TEX9: variants seen among roughly 807,000 people sequenced by gnomAD.
TEX9 encodes the protein testis expressed 9, also known as testis-expressed protein 9.
TEX9 carries 74 observed loss-of-function variants against 59.6 expected under a neutral mutation model. That is an observed-to-expected ratio of 1.24 (90% CI 1.03 to 1.51). The LOEUF (loss-of-function observed/expected upper bound fraction) is 1.51, where lower values mean the gene tolerates loss of function less well. Ranked by LOEUF, TEX9 falls within the 40% of genes most tolerant of loss-of-function variation. The pLI is 0.00. For synonymous variants in TEX9, 186 were observed against 152.2 expected, an observed-to-expected ratio of 1.22 and a Z score of -1.64; for missense variants, 522 against 447.8, an observed-to-expected ratio of 1.17 and a Z score of -1.49.
At chr15:56,310,361 G>A (rs2045581598) in intron 1 of TEX9, among the ~76,000 whole-genome samples, 1 of 152,224 alleles carries the variant, frequency 6.6e-6, no homozygotes. Context: ...GAACCCGGGA[G>A]GTGGAGATTA....
At chr15:56,245,958 T>G (rs2043843054) in intron 1 of TEX9, among the ~76,000 whole-genome samples, 1 of 152,066 alleles carries the variant, frequency 6.6e-6, no homozygotes, top group African/African-American at 2.4e-5. Flanking sequence ...CAAGAGAGAA[T>G]GATGGCTCCA....
upstream of TEX9, among the ~76,000 whole-genome samples, chr15:56,362,207 A>AT (rs1312324015): frequency 6.6e-6 from 1 of 152,112 alleles, no homozygotes; most frequent in Non-Finnish European, 1.5e-5. Context: ...ACTCTTGCTG[A>AT]TTTTCTGCCT....
chr15:56,383,728 AC>A (rs1215146183), intron 3 of TEX9, among the ~76,000 whole-genome samples: 1 of 152,176 alleles, frequency 6.6e-6, no homozygotes, highest in African/African-American at 2.4e-5. Flanking sequence ...TGATATTCTT[AC>A]ATTTTCCCCT....
At chr15:56,366,275 A>G (rs1356476162) in intron 2 of TEX9, among the ~76,000 whole-genome samples, 1 of 152,180 alleles carries the variant, frequency 6.6e-6, no homozygotes, top group African/African-American at 2.4e-5. Flanking sequence ...AAAATTCTAC[A>G]GTAGTTTCCT....
intron 1 of TEX9, chr15:56,244,398 C>A (rs1458295166): frequency 6.6e-6 from 1 of 152,110 alleles, no homozygotes; most frequent in African/African-American, 2.4e-5. Context: ...GTTGAGTGCT[C>A]CTCGGTCGGG....
chr15:56,305,562 A>C (rs2045462230), intron 1 of TEX9, among the ~76,000 whole-genome samples: 1 of 152,200 alleles, frequency 6.6e-6, no homozygotes, highest in Admixed American at 6.5e-5. Flanking sequence ...GGGAAAACTG[A>C]GTATCTATAT....
chr15:56,418,732 A>G (rs1231508049), intron 10 of TEX9, among the ~76,000 whole-genome samples: 3 of 151,932 alleles, frequency 2.0e-5, no homozygotes, highest in Non-Finnish European at 4.4e-5. Flanking sequence ...TGTTTAGATA[A>G]TCCATGAAGC....
chr15:56,398,254 T>G (rs1362989502), intron 9 of TEX9: 1 of 152,232 alleles, frequency 6.6e-6, no homozygotes, highest in Non-Finnish European at 1.5e-5. Flanking sequence ...CTCTTTAATA[T>G]TTTTTGTATT....
At chr15:56,407,945 ACT>A (rs779512081) in intron 9 of TEX9, among the ~76,000 whole-genome samples, 7 of 152,042 alleles carry the variant, frequency 4.6e-5, no homozygotes, top group Non-Finnish European at 8.8e-5. Flanking sequence ...GATTCTATAT[ACT>A]CTCTTCTACT....
At chr15:56,411,936 C>A (rs1257549787) in intron 9 of TEX9, among the ~76,000 whole-genome samples, 1 of 152,116 alleles carries the variant, frequency 6.6e-6, no homozygotes, top group Admixed American at 6.5e-5. Flanking sequence ...TTTCTCTTAA[C>A]ATTGGTCTTT....
At chr15:56,352,548 C>A (rs1470311522) in intron 1 of TEX9, among the ~76,000 whole-genome samples, 1 of 151,988 alleles carries the variant, frequency 6.6e-6, no homozygotes, top group Admixed American at 6.6e-5. Flanking sequence ...CCATCATGCC[C>A]CGCCCTGTAT....
chr15:56,382,690 ACT>A (rs1596151392), intron 3 of TEX9, among the ~76,000 whole-genome samples: 1 of 151,700 alleles, frequency 6.6e-6, no homozygotes, highest in East Asian at 1.9e-4. Flanking sequence ...TGGCTGCGTG[ACT>A]CTGCCTGGCA....
At chr15:56,298,721 A>G (rs1180305371) in intron 1 of TEX9, among the ~76,000 whole-genome samples, 1 of 151,986 alleles carries the variant, frequency 6.6e-6, no homozygotes, top group African/African-American at 2.4e-5. Context: ...CTGGTTTACC[A>G]CTCTAATGAA....
the TEX9 span, chr15:56,456,432 T>C: frequency 2.1e-5 from 34 of 1,611,888 alleles, no homozygotes; most frequent in African/African-American, 2.7e-5. Context: ...TTTCGTCCTT[T>C]AGACTTTCAT....
chr15:56,456,222 A>G, the TEX9 span, among the ~76,000 whole-genome samples: 1 of 152,136 alleles, frequency 6.6e-6, no homozygotes, highest in African/African-American at 2.4e-5. Flanking sequence ...CATGAATACA[A>G]CTTCTTTTCT....
chr15:56,318,935 G>C (rs1474608350), intron 1 of TEX9, among the ~76,000 whole-genome samples: 14 of 152,030 alleles, frequency 9.2e-5, no homozygotes, highest in Non-Finnish European at 1.8e-4. Context: ...TGAGATTAAA[G>C]AACTCTACGC....
intron 12 of TEX9, chr15:56,443,551 T>A (rs549928564): frequency 5.2e-5 from 82 of 1,572,432 alleles, no homozygotes; most frequent in South Asian, 4.8e-4. Flanking sequence ...TTAAATTTTT[T>A]AAAAAACATA....
chr15:56,386,155 T>G (rs1409499480), intron 4 of TEX9, among the ~76,000 whole-genome samples: 2 of 152,074 alleles, frequency 1.3e-5, no homozygotes, highest in African/African-American at 2.4e-5. Context: ...ACAACATAGT[T>G]GCTAAGTGAA....
Position 56,312,463 on chromosome 15 carries a change from G to A in TEX9, c.-106-60978G>A, listed in dbSNP as rs1481661190. On this transcript the variant is annotated intron_variant, in intron 1 of 5. Transcript: ENST00000560827. ...AAAGATCAGATAGTTGTAGATATGC[G>A]GCATTATTTCTGAGGGCTCTGTTCT... Among the ~76,000 whole-genome samples the A allele has an allele frequency of 4.1e-4, 60 of 146,858 alleles. 1 individual carries two copies. In the East Asian group the frequency reaches 8.6e-3, roughly 21 times the overall value.
Sources: gnomAD v4.1 joint callset for allele counts (sites outside exome capture counted in the v4.1 genomes callset) on GRCh38, gnomAD v4.1.1 for gene constraint, MANE v1.5 for transcripts, NCBI Gene and HGNC (gene_info 2026-07-23, HGNC 2026-07-21) for gene names.